The following COLEC12 variants were observed in gnomAD, a reference collection of about 807,000 sequenced individuals.
The protein encoded by COLEC12 is collectin-12.
Under a neutral mutation model 71.1 loss-of-function variants are expected in COLEC12, and 33 were observed. That is an observed-to-expected ratio of 0.46 (90% CI 0.35 to 0.62). COLEC12 has a LOEUF of 0.62. COLEC12 is among the 20% of genes least tolerant of loss of function. The pLI, the probability that COLEC12 is intolerant of heterozygous loss-of-function variation, is 0.00. For synonymous variants in COLEC12, 350 were observed against 353.0 expected, an observed-to-expected ratio of 0.99 and a Z score of 0.10; for missense variants, 765 against 916.1, an observed-to-expected ratio of 0.84 and a Z score of 2.13.
chr18:422,786 A>G lies in COLEC12; in HGVS notation c.58+57921T>C, dbSNP rs142241079. Reference sequence around the variant, plus strand: ...GGCGAGTCCGGTTATTTGCTCATACACATTATGAAACCCATGAGATAAAAC... The same window carrying G: ...GGCGAGTCCGGTTATTTGCTCATACGCATTATGAAACCCATGAGATAAAAC... On this transcript the variant is annotated intron_variant, in intron 2 of 9. Coordinates refer to ENST00000400256, the MANE Select transcript of COLEC12 (RefSeq NM_130386.3). Among the ~76,000 whole-genome samples, 50 of 152,322 alleles carry G rather than the reference A, an allele frequency of 3.3e-4. No individual in the cohort carries two copies. The East Asian group carries it at 8.3e-3, about 25-fold the overall frequency.
intron 3 of COLEC12, among the ~76,000 whole-genome samples, chr18:355,036 A>AATCCATCCATGC (rs919039775): frequency 2.0e-5 from 3 of 149,176 alleles, no homozygotes; most frequent in African/African-American, 7.6e-5. Flanking sequence ...ACAATCCATC[A>AATCCATCCATGC]ATCCATCCAT....
chr18:355,916 A>C (rs1914620022), intron 3 of COLEC12, among the ~76,000 whole-genome samples: 1 of 152,178 alleles, frequency 6.6e-6, no homozygotes, highest in African/African-American at 2.4e-5. Context: ...CTTCATCTAA[A>C]AACTTAAGAT....
intron 2 of COLEC12, among the ~76,000 whole-genome samples, chr18:414,529 C>A (rs1598355876): frequency 6.6e-6 from 1 of 152,000 alleles, no homozygotes; most frequent in African/African-American, 2.4e-5. Context: ...ACCCGGGAGG[C>A]GGAGGTTGCA....
intron 8 of COLEC12, among the ~76,000 whole-genome samples, chr18:331,397 T>G (rs1017700826): frequency 6.6e-6 from 1 of 152,232 alleles, no homozygotes; most frequent in Non-Finnish European, 1.5e-5. Flanking sequence ...AGTATTATGC[T>G]GTGTGGTTTT....
intron 2 of COLEC12, among the ~76,000 whole-genome samples, chr18:469,549 T>C (rs1192062593): frequency 6.6e-6 from 1 of 152,118 alleles, no homozygotes; most frequent in African/African-American, 2.4e-5. Context: ...TGCTTCTATT[T>C]CTCAACAAGC....
intron 1 of COLEC12, among the ~76,000 whole-genome samples, chr18:496,354 A>G (rs371900867): frequency 4.1e-4 from 62 of 152,298 alleles, no homozygotes; most frequent in African/African-American, 1.2e-3. Flanking sequence ...CAATAATTAA[A>G]CCTCAGATTA....
intron 2 of COLEC12, among the ~76,000 whole-genome samples, chr18:421,746 T>A (rs979000238): frequency 1.3e-5 from 2 of 152,176 alleles, no homozygotes; most frequent in African/African-American, 4.8e-5. Context: ...TGACCACTGA[T>A]GGTAGTCTTA....
At position 408,624 on chromosome 18, in the gene COLEC12, G is replaced by T. The variant is rs905866536; in HGVS notation, c.59-51102C>A. On this transcript the variant is annotated intron_variant, in intron 2 of 9. Transcript: ENST00000400256. The surrounding 1 kb of genome is among the most constrained non-coding windows in gnomAD (Gnocchi z 4.3). Reference sequence around the variant, plus strand: ...ATTGAGAAAAAGGAAAAAAAAAAAAGACAGGAAAATAAAAGCATGGGAGGA... The same window carrying T: ...ATTGAGAAAAAGGAAAAAAAAAAAATACAGGAAAATAAAAGCATGGGAGGA... 6.7e-6 allele frequency among the ~76,000 whole-genome samples: 1 copy of T among 148,660 alleles called. No individual in the cohort carries two copies. The highest frequency in any genetic ancestry group is 1.5e-5 in the Non-Finnish European group (1 of 66,934).
Position 500,624 on chromosome 18 carries a change from G to A in COLEC12, c.-110C>T, listed in dbSNP as rs1263991464. ...CGCACGCCCATGGTAGCCGCGCCGCGCGCCGGCCGTCTGCGCCCCCGTCCT... is the reference window on the plus strand; with the variant it reads ...CGCACGCCCATGGTAGCCGCGCCGCACGCCGGCCGTCTGCGCCCCCGTCCT... On this transcript the variant is annotated 5_prime_UTR_variant, in exon 1 of 10. Transcript: ENST00000400256. This position sits in a 1 kb window ranked among gnomAD's most constrained non-coding sequence, Gnocchi z 5.3. 3.2e-6 allele frequency: 3 copies of A among 944,204 alleles called. No individual in the cohort carries two copies. Among genetic ancestry groups the A allele is most frequent in the African/African-American group, 1.7e-5 (1 of 57,292 alleles). The allele number at this position is 944,204 out of a possible 1,614,324, so 58.5% of individuals were successfully genotyped here.
At chr18:465,213 G>A (rs978474902) in intron 2 of COLEC12, among the ~76,000 whole-genome samples, 21 of 151,972 alleles carry the variant, frequency 1.4e-4, no homozygotes, top group African/African-American at 4.8e-4. Flanking sequence ...AGCAATTCTC[G>A]TGCCCCAGCC....
Position 465,934 on chromosome 18 carries a change from C to T in COLEC12, c.58+14773G>A, listed in dbSNP as rs1006084251. ...CCAAAAAATATAAACATTAGCCGGG[C>T]GTGGGGGCACAAACCTGTAGTCCCA... On this transcript the variant is annotated intron_variant, in intron 2 of 9. Transcript: ENST00000400256. Among the ~76,000 whole-genome samples, 14 of 152,050 alleles carry T rather than the reference C, an allele frequency of 9.2e-5. No homozygotes were observed. The East Asian group carries it at 1.9e-3, about 21-fold the overall frequency.
In COLEC12 at chr18:396,530, A is replaced by G. The variant is rs1290013501; in HGVS notation, c.59-39008T>C. Among the ~76,000 whole-genome samples, 4 of 152,246 alleles carry G rather than the reference A, an allele frequency of 2.6e-5. No individual in the cohort carries two copies. In the East Asian group the frequency reaches 7.7e-4, roughly 29 times the overall value. The stretch of plus-strand genomic sequence containing the variant: ...CCATATTATGGGTTGAAAAGTAAAA[A>G]TTCATCCAATTTAGGGTTTTCTCCA... On this transcript the variant is annotated intron_variant, in intron 2 of 9. Coordinates refer to ENST00000400256, the MANE Select transcript of COLEC12 (RefSeq NM_130386.3).
intron 2 of COLEC12, among the ~76,000 whole-genome samples, chr18:430,751 CA>C (rs1916287223): frequency 6.6e-6 from 1 of 152,138 alleles, no homozygotes; most frequent in Non-Finnish European, 1.5e-5. Flanking sequence ...AGAGGGAAAC[CA>C]TTTAATGTAA....
At chr18:478,049 G>A (rs962492338) in intron 2 of COLEC12, among the ~76,000 whole-genome samples, 1 of 152,130 alleles carries the variant, frequency 6.6e-6, no homozygotes, top group African/African-American at 2.4e-5. Context: ...CAGAGTCCTA[G>A]CCCTATAACC....
chr18:338,336 G>A (rs1193382925), intron 5 of COLEC12, among the ~76,000 whole-genome samples: 4 of 152,156 alleles, frequency 2.6e-5, no homozygotes, highest in Non-Finnish European at 5.9e-5. Flanking sequence ...AAATACATGC[G>A]CATCATGGTT....
rs1252964643 is a variant in COLEC12 at position 500,045 on chromosome 18, C to G, written c.7+463G>C. On this transcript the variant is annotated intron_variant, in intron 1 of 9. Coordinates refer to ENST00000400256, the MANE Select transcript of COLEC12 (RefSeq NM_130386.3). This position sits in a 1 kb window ranked among gnomAD's most constrained non-coding sequence, Gnocchi z 5.3. ...GGCGCACGGAGAACATCCCCAGTCC[C>G]GGAGAAAACACCCGGCCGCCAGCGC... 4.6e-5 allele frequency among the ~76,000 whole-genome samples: 7 copies of G among 152,184 alleles called. 1 individual carries two copies. The South Asian group carries it at 6.2e-4, about 14-fold the overall frequency.
At chr18:400,199 T>G (rs550195198) in intron 2 of COLEC12, among the ~76,000 whole-genome samples, 72 of 152,258 alleles carry the variant, frequency 4.7e-4, no homozygotes, top group Non-Finnish European at 8.2e-4. Context: ...CTCTGGATAC[T>G]GGACAATGAA....
At chr18:443,108 A>G (rs1317127226) in intron 2 of COLEC12, among the ~76,000 whole-genome samples, 1 of 152,246 alleles carries the variant, frequency 6.6e-6, no homozygotes, top group Non-Finnish European at 1.5e-5. Context: ...TTCTATACAT[A>G]TATTAGTTAA....
At chr18:402,448 C>T (rs1915706613) in intron 2 of COLEC12, among the ~76,000 whole-genome samples, 1 of 152,122 alleles carries the variant, frequency 6.6e-6, no homozygotes, top group Admixed American at 6.5e-5. Context: ...GCACCACGCC[C>T]TAGCAGAAGG....
Sources: gnomAD v4.1 joint callset for allele counts (sites outside exome capture counted in the v4.1 genomes callset) on GRCh38, gnomAD v4.1.1 for gene constraint, Gnocchi (gnomAD v3.1) non-coding constraint, MANE v1.5 for transcripts, NCBI Gene and HGNC (gene_info 2026-07-23, HGNC 2026-07-21) for gene names.